Variants in SPATA20 observed in about 807,000 individuals in gnomAD.
The protein encoded by SPATA20 is spermatogenesis-associated protein 20.
In SPATA20, 74 loss-of-function variants were observed where a neutral mutation model predicts 98.9. The observed-to-expected ratio is 0.75, with a 90% CI of 0.62 to 0.91. The LOEUF (loss-of-function observed/expected upper bound fraction) is 0.91, where lower values mean the gene tolerates loss of function less well. Ranked by LOEUF, SPATA20 falls within the 40% of genes least tolerant of loss-of-function variation. The pLI is 0.00. For synonymous variants in SPATA20, 430 were observed against 440.5 expected (o/e 0.98, Z 0.30); for missense variants, 1,016 against 1,069.8 (o/e 0.95, Z 0.70).
rs766362596 is a variant in SPATA20, at chr17:50,549,305, C to T, written c.680C>T (p.Thr227Ile). 3 of 1,612,300 alleles carry T rather than the reference C, an allele frequency of 1.9e-6. No individual in the cohort carries two copies. Among genetic ancestry groups the T allele is most frequent in the African/African-American group, 1.3e-5 (1 of 74,932 alleles). Residue 227 changes from threonine to isoleucine, a missense_variant, in exon 7 of 17, where the codon ACC (threonine) becomes ATC (isoleucine). Thr to Ile is a moderately conservative substitution (Grantham distance 89). Coordinates refer to ENST00000006658, the MANE Select transcript of SPATA20 (RefSeq NM_022827.4). ...CCGCAGTGGAAACAGAACAAGAACA[C>T]CCTGCTAGAAAATAGCCAGCGTGTC... ...IREQWKQNKN[T>I]LLENSQRVTT...
intron 4 of SPATA20, 83 bp from the exon 5 acceptor site, chr17:50,548,727 T>G: frequency 6.3e-7 from 1 of 1,590,708 alleles, no homozygotes; most frequent in South Asian, 1.1e-5. Context: ...GGCCAGGACG[T>G]CTTCCATGTA....
chr17:50,548,598 A>AC lies in SPATA20; in HGVS notation c.342dup (p.Lys115GlnfsTer26), dbSNP rs767856029. On this transcript the variant is annotated frameshift_variant, in exon 4 of 17. Transcript: ENST00000006658. LOFTEE classifies it high-confidence loss of function. ...GCCTTCGACAAGGCCAGGAAGGAAA[A>AC]CAAGCCGATTTTCCTCTCAGGTAAT... 32 of 1,613,336 alleles carry AC rather than the reference A, an allele frequency of 2.0e-5. No individual in the cohort carries two copies. Among genetic ancestry groups the AC allele is most frequent in the Non-Finnish European group, 2.7e-5 (32 of 1,179,842 alleles).
At chr17:50,550,430 C>A in intron 9 of SPATA20, 106 bp from the exon 10 acceptor site, 1 of 1,379,572 alleles carries the variant, frequency 7.2e-7, no homozygotes, top group Non-Finnish European at 1.0e-6. Flanking sequence ...CATGTACCCA[C>A]TACCCAGGCT....
chr17:50,551,852 T>C, intron 13 of SPATA20, 117 bp from the exon 14 acceptor site: 1 of 1,204,272 alleles, frequency 8.3e-7, no homozygotes, highest in East Asian at 2.6e-5. Context: ...TGATGGCACC[T>C]GCCCAAGAGG....
rs1197632873 is a variant in SPATA20, at chr17:50,554,235, TCC to T, written c.1958-14_1958-13del. On this transcript the variant is annotated splice_polypyrimidine_tract_variant and intron_variant, in intron 14 of 16. Coordinates refer to ENST00000006658, the MANE Select transcript of SPATA20 (RefSeq NM_022827.4). ...CCTGCCCTTACCCCCACCCCCTGCC[TCC>T]CTATGTGCTGTAGACCAGGATGGAG... is the stretch of plus-strand genomic sequence containing the variant. The T allele has an allele frequency of 6.2e-7, 1 of 1,613,124 alleles. No individual in the cohort carries two copies. The highest frequency in any genetic ancestry group is 2.2e-5 in the East Asian group (1 of 44,880).
chr17:50,549,085 A>T lies in SPATA20; in HGVS notation c.559A>T (p.Thr187Ser). Residue 187 changes from threonine (T) to serine (S), a missense_variant, in exon 6 of 17, where the codon ACT becomes TCT. Transcript: ENST00000006658. ...GGGWPMNVWL[T>S]PNLQPFVGGT... ...GGGCTGGCCCATGAATGTGTGGCTG[A>T]CTCCCAACCTCCAGCCCTTTGTCGG... is the stretch of plus-strand genomic sequence containing the variant. The T allele has an allele frequency of 6.2e-7, 1 of 1,613,242 alleles. No individual in the cohort carries two copies. The highest frequency in any genetic ancestry group is 8.5e-7 in the Non-Finnish European group (1 of 1,179,890).
chr17:50,552,893 C>T (rs1455777733), intron 14 of SPATA20, among the ~76,000 whole-genome samples: 1 of 152,172 alleles, frequency 6.6e-6, no homozygotes, highest in African/African-American at 2.4e-5. Flanking sequence ...ATTGGTACTA[C>T]CTTACAGGGT....
Position 50,551,541 on chromosome 17 carries a change from G to A in SPATA20, c.1607G>A (p.Gly536Glu), listed in dbSNP as rs1221148497. The change falls in exon 13 of 17, where the codon GGG becomes GAG. Residue 536 changes from glycine (G) to glutamate (E), a missense_variant. Coordinates refer to ENST00000006658, the MANE Select transcript of SPATA20 (RefSeq NM_022827.4). ...GLMVSGYAVT[G>E]AVLGQDRLIN... ...ATGGTGTCAGGCTATGCTGTGACTG[G>A]GGCTGTCCTGGGCCAAGACAGGCTG... 2.5e-6 allele frequency: 4 copies of A among 1,599,768 alleles called. No individual in the cohort carries two copies. The highest frequency in any genetic ancestry group is 1.7e-5 in the Admixed American group (1 of 59,782).
chr17:50,550,202 G>C lies in SPATA20; in HGVS notation c.994-6G>C, dbSNP rs777781132. The C allele has an allele frequency of 6.2e-7, 1 of 1,612,570 alleles. No homozygotes were observed. The highest frequency in any genetic ancestry group is 8.5e-7 in the Non-Finnish European group (1 of 1,179,650). ...GGGACTGGCCTCCAGCTTTGTATCC[G>C]CACAGGGCTTTCACCGCTACTCCAC... On this transcript the variant is annotated splice_polypyrimidine_tract_variant and splice_region_variant and intron_variant, in intron 8 of 16. Transcript: ENST00000006658.
intron 10 of SPATA20, 37 bp downstream of exon 10, chr17:50,550,647 G>C: frequency 5.0e-6 from 8 of 1,613,338 alleles, no homozygotes; most frequent in Non-Finnish European, 6.8e-6. Flanking sequence ...CTGGCTGTGG[G>C]AGGGGTTGGG....
intron 2 of SPATA20, chr17:50,548,054 T>TG (rs1339068390): frequency 6.7e-7 from 1 of 1,491,432 alleles, no homozygotes; most frequent in Non-Finnish European, 8.9e-7. Flanking sequence ...CCCAGGAGGT[T>TG]GGGGGAGACT....
Position 50,549,087 on chromosome 17 carries a change from TC to T in SPATA20, c.564del (p.Asn189ThrfsTer17). On this transcript the variant is annotated frameshift_variant, in exon 6 of 17. Coordinates refer to ENST00000006658, the MANE Select transcript of SPATA20 (RefSeq NM_022827.4). LOFTEE classifies it high-confidence loss of function. Reference sequence around the variant, plus strand: ...GCTGGCCCATGAATGTGTGGCTGACTCCCAACCTCCAGCCCTTTGTCGGGGG... The same window carrying T: ...GCTGGCCCATGAATGTGTGGCTGACTCCAACCTCCAGCCCTTTGTCGGGGG... The part of the protein sequence containing the change: ...GGWPMNVWLT[P>X]NLQPFVGGTY... The T allele has an allele frequency of 6.2e-7, 1 of 1,613,520 alleles. No homozygotes were observed. Among genetic ancestry groups the T allele is most frequent in the Non-Finnish European group, 8.5e-7 (1 of 1,179,942 alleles).
At position 50,549,969 on chromosome 17, in the gene SPATA20, C is replaced by T. The variant is rs776650707; in HGVS notation, c.863-16C>T. The T allele has an allele frequency of 1.3e-6, 2 of 1,528,724 alleles. No individual in the cohort carries two copies. Among genetic ancestry groups the T allele is most frequent in the East Asian group, 2.3e-5 (1 of 43,910 alleles). 94.7% of individuals were successfully genotyped at this position (1,528,724 alleles called of 1,614,324 possible). ...TTTCCCATTCTCTCACCTGCATGTTCTTGGTGCCCCCACAGTGATCCTGAG... is the reference window on the plus strand; with the variant it reads ...TTTCCCATTCTCTCACCTGCATGTTTTTGGTGCCCCCACAGTGATCCTGAG... On this transcript the variant is annotated splice_polypyrimidine_tract_variant and intron_variant, in intron 7 of 16. Coordinates refer to ENST00000006658, the MANE Select transcript of SPATA20 (RefSeq NM_022827.4).
Position 50,549,438 on chromosome 17 carries a change from T to G in SPATA20, c.813T>G (p.Tyr271Ter). ...NRCFQQLDEGYDEEYGGFAEA... is the reference protein window; with the variant it reads ...NRCFQQLDEG ...GCTTCCAGCAGCTGGATGAGGGCTATGATGAGGAATACGGTGGCTTCGCTG... is the reference window on the plus strand; with the variant it reads ...GCTTCCAGCAGCTGGATGAGGGCTAGGATGAGGAATACGGTGGCTTCGCTG... Residue 271 changes from tyrosine to a stop codon, truncating the protein, a stop_gained, in exon 7 of 17, where the codon TAT becomes TAG. Transcript: ENST00000006658. LOFTEE classifies it high-confidence loss of function. 5.0e-6 allele frequency: 8 copies of G among 1,612,622 alleles called. No individual in the cohort carries two copies. Among genetic ancestry groups the G allele is most frequent in the Non-Finnish European group, 6.8e-6 (8 of 1,179,986 alleles).
chr17:50,550,100 G>A lies in SPATA20; in HGVS notation c.978G>A (p.Arg326=). ...TLKMMANGGI[R]DHVGQGFHRY... is the part of the protein sequence containing the mutation. ...AAATGATGGCTAACGGGGGCATCCG[G>A]GACCATGTGGGGCAGGTGACGGGCA... Residue 326 remains arginine (R), a synonymous_variant, in exon 8 of 17, where the codon CGG becomes CGA. Coordinates refer to ENST00000006658, the MANE Select transcript of SPATA20 (RefSeq NM_022827.4). 2 of 1,612,934 alleles carry A rather than the reference G, an allele frequency of 1.2e-6. No individual in the cohort carries two copies. Among genetic ancestry groups the A allele is most frequent in the Non-Finnish European group, 1.7e-6 (2 of 1,179,600 alleles).
At chr17:50,547,345 A>G in intron 1 of SPATA20, 60 bp downstream of exon 1, 1 of 1,351,724 alleles carries the variant, frequency 7.4e-7, no homozygotes, top group Non-Finnish European at 9.7e-7. Context: ...GGCCCAGTGG[A>G]GGGTCTTCCG....
rs1399991240 is a variant in SPATA20 at position 50,554,357 on chromosome 17, A to G, written c.2064A>G (p.Leu688=). 2 of 1,613,892 alleles carry G rather than the reference A, an allele frequency of 1.2e-6. No individual in the cohort carries two copies. Among genetic ancestry groups the G allele is most frequent in the Non-Finnish European group, 8.5e-7 (1 of 1,179,988 alleles). ...HKDWMDKCVC[L]LTAFSERMRR... The stretch of plus-strand genomic sequence containing the variant: ...ACTGGATGGACAAGTGTGTGTGCCT[A>G]TTGACCGCCTTTTCCGAGCGCATGC... Residue 688 remains leucine (L), a synonymous_variant, in exon 15 of 17, where the codon CTA becomes CTG. Transcript: ENST00000006658.
chr17:50,548,327 G>T lies in SPATA20; in HGVS notation c.170G>T (p.Ser57Ile), dbSNP rs2034948957. ...RDKDRSATVS[S>I]SVPMPAGGKG... ...AAGGACCGAAGTGCGACGGTCAGTA[G>T]TTCAGTGCCCATGCCTGCTGGAGGG... Residue 57 changes from serine (S) to isoleucine (I), a missense_variant, in exon 3 of 17, where the codon AGT becomes ATT. Physicochemically the swap from Ser to Ile is moderately radical, Grantham distance 142. Transcript: ENST00000006658. 1 of 1,613,788 alleles carries T rather than the reference G, an allele frequency of 6.2e-7. No homozygotes were observed. Among genetic ancestry groups the T allele is most frequent in the African/African-American group, 1.3e-5 (1 of 74,900 alleles).
Position 50,555,532 on chromosome 17 carries a change from C to T in SPATA20, c.2279C>T (p.Ser760Phe). Residue 760 changes from serine to phenylalanine, a missense_variant, in exon 17 of 17, where the codon TCC becomes TTC. Transcript: ENST00000006658. ...GATGGGGACCCCTCGAGCTTCCTGT[C>T]CCGCCAGCTGCCTTTCCTGAGTACC... ...LADGDPSSFL[S>F]RQLPFLSTLR... 6.2e-7 allele frequency: 1 copy of T among 1,614,038 alleles called. No homozygotes were observed.
Sources: allele counts gnomAD v4.1 joint callset (sites outside exome capture counted in the v4.1 genomes callset), GRCh38; gene constraint gnomAD v4.1.1; transcripts MANE v1.5; gene names NCBI Gene and HGNC (gene_info 2026-07-23, HGNC 2026-07-21).